VWF: variants seen among roughly 807,000 people sequenced by gnomAD.
VWF encodes the protein Factor VIII related antigen.
In VWF, 176 loss-of-function variants were observed where a neutral mutation model predicts 308.6. That is an observed-to-expected ratio of 0.57 (90% confidence interval 0.50 to 0.65). The LOEUF is 0.65. Among genes scored for constraint, VWF ranks in the 30% least tolerant of loss-of-function variants. The probability of loss-of-function intolerance (pLI) is 0.00; values close to 1 mark genes in which losing one functional copy is unlikely to be tolerated. For missense variants in VWF, 3,146 were observed against 3,648.2 expected (o/e 0.86, Z 3.55); for synonymous variants, 1,385 against 1,443.4 (o/e 0.96, Z 0.92).
intron 43 of VWF, 31 bp from the exon 44 acceptor site, chr12:5,971,740 A>G: frequency 6.3e-7 from 1 of 1,594,528 alleles, no homozygotes; most frequent in Non-Finnish European, 8.6e-7. Context: ...GAGTAAGGAC[A>G]GGCCAGCAGC....
rs998542506 is a variant in VWF, at chr12:6,075,225, T to G, written c.874+110A>C. 1.2e-4 allele frequency: 158 copies of G among 1,356,094 alleles called. No individual in the cohort carries two copies. Among genetic ancestry groups the G allele is most frequent in the East Asian group, 9.2e-4 (38 of 41,372 alleles). 84.0% of individuals were successfully genotyped at this position (1,356,094 alleles called of 1,614,324 possible). ...GCTTTGTAGTCACTGGCTGGCTGGG[T>G]GTGGTAAAGCCGCACATACGTGACA... On this transcript the variant is annotated intron_variant, in intron 7 of 51. Transcript: ENST00000261405. The surrounding 1 kb of genome is among the most constrained non-coding windows in gnomAD (Gnocchi z 4.7).
intron 41 of VWF, among the ~76,000 whole-genome samples, chr12:5,982,585 A>T (rs1181792414): frequency 6.6e-6 from 1 of 152,128 alleles, no homozygotes; most frequent in Non-Finnish European, 1.5e-5. Context: ...GAAGTCTCAC[A>T]TCTAGGAAGT....
chr12:6,028,440 C>A (rs1944219595), intron 22 of VWF, among the ~76,000 whole-genome samples: 1 of 152,068 alleles, frequency 6.6e-6, no homozygotes, highest in Non-Finnish European at 1.5e-5. Flanking sequence ...AGAAGAGCAA[C>A]CCCAAGACAC....
rs745348747 is a variant in VWF at position 5,993,893 on chromosome 12, G to A, written c.6567C>T (p.Val2189=). The A allele has an allele frequency of 2.5e-6, 4 of 1,613,622 alleles. No individual in the cohort carries two copies. In the Admixed American group the frequency reaches 6.7e-5, roughly 27 times the overall value. Reference sequence around the variant, plus strand: ...AATCAGGTGTCCTCCAGTCAACGCAGACCCCGTTGGTCCGACAGAGGTGGG... The same window carrying A: ...AATCAGGTGTCCTCCAGTCAACGCAAACCCCGTTGGTCCGACAGAGGTGGG... ...SYAHLCRTNG[V]CVDWRTPDFC... The change falls in exon 37 of 52, where the codon GTC becomes GTT. Residue 2189 remains valine (V), a synonymous_variant. Transcript: ENST00000261405.
chr12:6,072,492 C>T, intron 8 of VWF, 50 bp from the exon 9 acceptor site: 2 of 1,448,996 alleles, frequency 1.4e-6, no homozygotes, highest in Non-Finnish European at 9.7e-7. Context: ...CATTGCGTCA[C>T]TCATCCCACA....
chr12:6,048,927 C>T (rs770046454), intron 16 of VWF, among the ~76,000 whole-genome samples: 4 of 152,176 alleles, frequency 2.6e-5, no homozygotes, highest in Non-Finnish European at 2.9e-5. Context: ...CACCCGCCCC[C>T]GTAAATGTCA....
intron 9 of VWF, among the ~76,000 whole-genome samples, chr12:6,071,946 G>T (rs937117764): frequency 6.6e-6 from 1 of 152,178 alleles, no homozygotes; most frequent in Admixed American, 6.5e-5. Context: ...ACTGGCCACT[G>T]CAACTTCCTA....
chr12:5,991,874 C>T lies in VWF; in HGVS notation c.6743G>A (p.Cys2248Tyr), dbSNP rs2136382972. ...CTGAGTGCAGGCCTCTTCAGGGACA[C>T]AGCTGCCTTCCAACATGACTTTATC... is the stretch of plus-strand genomic sequence containing the variant. ...PPDKVMLEGS[C>Y]VPEEACTQCI... Residue 2248 changes from cysteine to tyrosine, a missense_variant, in exon 38 of 52, where the codon TGT becomes TAT. By Grantham distance (194) the Cys-to-Tyr change is radical. Around this residue, in one of 3 missense-constraint regions of VWF, gnomAD observed 989 missense variants for 1,117.4 expected, o/e 0.89. Coordinates refer to ENST00000261405, the MANE Select transcript of VWF (RefSeq NM_000552.5). 2 of 1,614,254 alleles carry T rather than the reference C, an allele frequency of 1.2e-6. No homozygotes were observed. Among genetic ancestry groups the T allele is most frequent in the Non-Finnish European group, 1.7e-6 (2 of 1,180,056 alleles).
At chr12:6,097,798 G>C (rs1162678728) in intron 5 of VWF, among the ~76,000 whole-genome samples, 3 of 152,236 alleles carry the variant, frequency 2.0e-5, no homozygotes, top group Non-Finnish European at 2.9e-5. Context: ...GTGGCATGTT[G>C]ACTGTGTGCC....
chr12:6,088,023 CAT>C (rs1405035521), intron 6 of VWF, among the ~76,000 whole-genome samples: 6 of 152,162 alleles, frequency 3.9e-5, no homozygotes, highest in Non-Finnish European at 5.9e-5. Context: ...AACACCATCA[CAT>C]GTCATGATGC....
intron 14 of VWF, 123 bp from the exon 15 acceptor site, chr12:6,057,195 G>C: frequency 1.1e-6 from 1 of 885,882 alleles, no homozygotes; most frequent in South Asian, 1.8e-5. Flanking sequence ...GTCACGCAGA[G>C]AAATCTGCAA....
chr12:6,106,948 C>T (rs992173272), intron 5 of VWF, among the ~76,000 whole-genome samples: 7 of 150,390 alleles, frequency 4.7e-5, no homozygotes, highest in African/African-American at 9.8e-5. Context: ...AAAAATGCGG[C>T]GGGGTGTAGA....
At chr12:5,994,900 C>T (rs1267582087) in intron 35 of VWF, among the ~76,000 whole-genome samples, 1 of 152,108 alleles carries the variant, frequency 6.6e-6, no homozygotes, top group Non-Finnish European at 1.5e-5. Flanking sequence ...TGTGACTCAA[C>T]AGGGAAGGGC....
At chr12:5,964,420 C>A (rs1039484471) in intron 47 of VWF, among the ~76,000 whole-genome samples, 2 of 152,296 alleles carry the variant, frequency 1.3e-5, no homozygotes, top group East Asian at 3.9e-4. Flanking sequence ...CCCCAAAAAA[C>A]AGAAAGAACG....
At chr12:6,032,723 GACAC>G (rs1041352538) in intron 20 of VWF, among the ~76,000 whole-genome samples, 1 of 151,618 alleles carries the variant, frequency 6.6e-6, no homozygotes, top group Non-Finnish European at 1.5e-5. Flanking sequence ...TTACCTTTCT[GACAC>G]ACACACCCAC....
Position 5,967,543 on chromosome 12 carries a change from C to A in VWF, c.7830G>T (p.Gly2610=), listed in dbSNP as rs538980670. ...CTTCRCMVQV[G]VISGFKLECR... ...ACTCCAGCTTGAATCCAGAGATGAC[C>A]CCCACCTGCACCATGCAGCGGCAGG... is the stretch of plus-strand genomic sequence containing the variant. The change falls in exon 47 of 52, where the codon GGG becomes GGT. Residue 2610 remains glycine, a synonymous_variant. Transcript: ENST00000261405. The A allele has an allele frequency of 1.2e-6, 2 of 1,613,958 alleles. No individual in the cohort carries two copies. Among genetic ancestry groups the A allele is most frequent in the Non-Finnish European group, 1.7e-6 (2 of 1,180,026 alleles).
intron 34 of VWF, among the ~76,000 whole-genome samples, chr12:5,998,500 T>TAAAAAAAAAAAACAAA (rs1943836654): frequency 5.9e-5 from 1 of 16,872 alleles, no homozygotes; most frequent in African/African-American, 2.3e-4. Flanking sequence ...AAAAAAAAAA[T>TAAAAAAAAAAAACAAA]ATATATATAT....
intron 16 of VWF, among the ~76,000 whole-genome samples, chr12:6,048,953 T>C (rs1158675440): frequency 6.6e-6 from 1 of 152,208 alleles, no homozygotes; most frequent in Admixed American, 6.5e-5. Context: ...AATCTGTCAT[T>C]TGGACATGAC....
At position 6,075,244 on chromosome 12, in the gene VWF, C is replaced by T. The variant is rs984529917; in HGVS notation, c.874+91G>A. Reference sequence around the variant, plus strand: ...GCTGGGTGTGGTAAAGCCGCACATACGTGACACAGCCCCGAAGCACCCTAA... The same window carrying T: ...GCTGGGTGTGGTAAAGCCGCACATATGTGACACAGCCCCGAAGCACCCTAA... On this transcript the variant is annotated intron_variant, in intron 7 of 51. Transcript: ENST00000261405. The surrounding 1 kb of genome is among the most constrained non-coding windows in gnomAD (Gnocchi z 4.7). 24 of 1,523,986 alleles carry T rather than the reference C, an allele frequency of 1.6e-5. No homozygotes were observed. The highest frequency in any genetic ancestry group is 4.5e-5 in the South Asian group (4 of 88,114). The allele number at this position is 1,523,986 out of a possible 1,614,324, so 94.4% of individuals were successfully genotyped here. A position where few individuals can be genotyped will look rare whatever the true frequency, so the allele number is the denominator to read the frequency against.
Sources: allele counts gnomAD v4.1 joint callset (sites outside exome capture counted in the v4.1 genomes callset), GRCh38; gene constraint gnomAD v4.1.1; regional missense constraint gnomAD v4.1.1; non-coding constraint Gnocchi (gnomAD v3.1); transcripts MANE v1.5; gene names NCBI Gene and HGNC (gene_info 2026-07-23, HGNC 2026-07-21).